Variants in CSMD1 observed in about 807,000 individuals in gnomAD.
CSMD1 encodes the protein CUB and Sushi multiple domains 1.
In CSMD1, 213 loss-of-function variants were observed where a neutral mutation model predicts 417.5. The observed-to-expected ratio is 0.51, with a 90% CI of 0.46 to 0.57. The LOEUF (loss-of-function observed/expected upper bound fraction) is 0.57, where lower values mean the gene tolerates loss of function less well. Ranked by LOEUF, CSMD1 falls within the 20% of genes least tolerant of loss-of-function variation. The pLI, the probability that CSMD1 is intolerant of heterozygous loss-of-function variation, is 0.00. For synonymous variants in CSMD1, 2,862 were observed against 1,736.8 expected, an observed-to-expected ratio of 1.65 and a Z score of -16.11; for missense variants, 6,923 against 4,529.7, an observed-to-expected ratio of 1.53 and a Z score of -15.17.
chr8:4,991,281 A>T (rs1046873496), intron 1 of CSMD1, among the ~76,000 whole-genome samples: 8 of 152,206 alleles, frequency 5.3e-5, no homozygotes, highest in Non-Finnish European at 1.0e-4. Flanking sequence ...TTAAAGAGAA[A>T]GGCACACTTG....
At chr8:3,250,283 C>A (rs534587653) in intron 26 of CSMD1, among the ~76,000 whole-genome samples, 1 of 152,162 alleles carries the variant, frequency 6.6e-6, no homozygotes, top group Non-Finnish European at 1.5e-5. Context: ...TGTTCAATTC[C>A]CACCTATGAG....
At chr8:3,420,786 C>G (rs1168456785) in intron 12 of CSMD1, among the ~76,000 whole-genome samples, 1 of 152,108 alleles carries the variant, frequency 6.6e-6, no homozygotes, top group Non-Finnish European at 1.5e-5. Flanking sequence ...TTACTTTCAC[C>G]ATTCTGCGCA....
intron 2 of CSMD1, among the ~76,000 whole-genome samples, chr8:4,630,347 T>A (rs1585359274): frequency 6.6e-6 from 1 of 151,424 alleles, no homozygotes; most frequent in South Asian, 2.1e-4. Context: ...ATAATATCAC[T>A]TAGGGAAGGA....
intron 1 of CSMD1, among the ~76,000 whole-genome samples, chr8:4,985,255 A>AT (rs1811115751): frequency 6.6e-6 from 1 of 152,202 alleles, no homozygotes; most frequent in Non-Finnish European, 1.5e-5. Context: ...AAAGTAACTA[A>AT]TGGATACTAG....
In CSMD1 at chr8:4,527,625, G is replaced by C. The variant is rs137988227; in HGVS notation, c.303-107560C>G. Among the ~76,000 whole-genome samples, 910 of 152,316 alleles carry C rather than the reference G, an allele frequency of 6.0e-3. 6 individuals carry two copies. Among genetic ancestry groups the C allele is most frequent in the Middle Eastern group, 0.014 (4 of 294 alleles). ...GGTAGGGCCCCATATTGCAGCCATA[G>C]ATCCCAGAACTATAGATAAAATTTG... On this transcript the variant is annotated intron_variant, in intron 2 of 69. Transcript: ENST00000635120.
intron 2 of CSMD1, among the ~76,000 whole-genome samples, chr8:4,465,908 C>G (rs1004480744): frequency 2.0e-5 from 3 of 152,176 alleles, no homozygotes; most frequent in Non-Finnish European, 4.4e-5. Flanking sequence ...AACAAACTCA[C>G]AGCCATAGAA....
At chr8:3,606,792 C>T (rs1242508987) in intron 8 of CSMD1, among the ~76,000 whole-genome samples, 2 of 151,770 alleles carry the variant, frequency 1.3e-5, no homozygotes, top group East Asian at 1.9e-4. Flanking sequence ...CTCAGCGCAA[C>T]CTCCACTTCC....
At chr8:4,952,627 A>T (rs1478965013) in intron 1 of CSMD1, among the ~76,000 whole-genome samples, 1 of 152,114 alleles carries the variant, frequency 6.6e-6, no homozygotes, top group Non-Finnish European at 1.5e-5. Flanking sequence ...AGCATAGTTG[A>T]TATGGTGATT....
At chr8:4,196,114 G>C (rs894266610) in intron 3 of CSMD1, among the ~76,000 whole-genome samples, 3 of 152,138 alleles carry the variant, frequency 2.0e-5, no homozygotes, top group African/African-American at 7.2e-5. Context: ...GGGAGACTGA[G>C]GCAGGAGAAT....
chr8:3,688,851 T>A (rs2129031848), intron 7 of CSMD1, among the ~76,000 whole-genome samples: 1 of 152,076 alleles, frequency 6.6e-6, no homozygotes. Flanking sequence ...AGCAATCAAT[T>A]AAAAAGAATA....
intron 5 of CSMD1, among the ~76,000 whole-genome samples, chr8:3,954,407 G>A (rs1585026936): frequency 6.6e-6 from 1 of 152,162 alleles, no homozygotes; most frequent in African/African-American, 2.4e-5. Context: ...CTGCTGCCCA[G>A]GCTGGAGTGC....
intron 3 of CSMD1, among the ~76,000 whole-genome samples, chr8:4,322,347 T>C (rs1161087043): frequency 6.6e-6 from 1 of 152,160 alleles, no homozygotes; most frequent in Non-Finnish European, 1.5e-5. Flanking sequence ...ATCTGAGCAC[T>C]GGAGAGAGTT....
intron 12 of CSMD1, among the ~76,000 whole-genome samples, chr8:3,410,275 T>C (rs1812601343): frequency 6.6e-6 from 1 of 152,238 alleles, no homozygotes; most frequent in African/African-American, 2.4e-5. Flanking sequence ...TAAAAGACTA[T>C]TTTTGAGAGC....
rs1491325393 is a variant in CSMD1, at chr8:4,312,449, ACG to A, written c.415+107502_415+107503del. On this transcript the variant is annotated intron_variant, in intron 3 of 69. Transcript: ENST00000635120. ...CGTATATATATATGCGTATATATATACGTATATATATGCGCGTATATATATAT... is the reference window on the plus strand; with the variant it reads ...CGTATATATATATGCGTATATATATATATATATATGCGCGTATATATATAT... Among the ~76,000 whole-genome samples the A allele has an allele frequency of 7.9e-5, 9 of 114,188 alleles. 1 individual carries two copies. The highest frequency in any genetic ancestry group is 1.7e-4 in the African/African-American group (3 of 18,046). The allele number at this position is 114,188 out of a possible 152,430, so 74.9% of individuals were successfully genotyped here.
chr8:4,453,821 T>G (rs1172579638), intron 2 of CSMD1, among the ~76,000 whole-genome samples: 34 of 122,316 alleles, frequency 2.8e-4, no homozygotes, highest in African/African-American at 5.0e-4. Flanking sequence ...TTTCTTTTTT[T>G]TTTTTTTTTT....
At chr8:4,981,421 A>G (rs1013954120) in intron 1 of CSMD1, among the ~76,000 whole-genome samples, 3 of 152,214 alleles carry the variant, frequency 2.0e-5, no homozygotes, top group Non-Finnish European at 2.9e-5. Flanking sequence ...TAGATATCCA[A>G]CAAGAGTATA....
intron 1 of CSMD1, among the ~76,000 whole-genome samples, chr8:4,792,729 C>A (rs1797756754): frequency 6.6e-6 from 1 of 152,158 alleles, no homozygotes; most frequent in South Asian, 2.1e-4. Context: ...CAAGAAGCTG[C>A]ATTCAATTAC....
At chr8:4,569,812 T>C (rs1339100023) in intron 2 of CSMD1, among the ~76,000 whole-genome samples, 1 of 152,240 alleles carries the variant, frequency 6.6e-6, no homozygotes, top group African/African-American at 2.4e-5. Flanking sequence ...TCCTCTTTTA[T>C]TTCCTTGAGC....
intron 3 of CSMD1, among the ~76,000 whole-genome samples, chr8:4,278,622 A>G (rs1796612989): frequency 6.6e-6 from 1 of 152,220 alleles, no homozygotes; most frequent in Non-Finnish European, 1.5e-5. Context: ...ATGGAAACTC[A>G]AATTTTAGCT....
Sources: gnomAD v4.1 joint callset for allele counts (sites outside exome capture counted in the v4.1 genomes callset) on GRCh38, gnomAD v4.1.1 for gene constraint, MANE v1.5 for transcripts, NCBI Gene and HGNC (gene_info 2026-07-23, HGNC 2026-07-21) for gene names.